Variants in GPM6B observed in about 807,000 individuals in gnomAD.
The protein encoded by GPM6B is glycoprotein M6B.
Under a neutral mutation model 27.2 loss-of-function variants are expected in GPM6B, and 4 were observed. The observed-to-expected ratio is 0.15, with a 90% CI of 0.07 to 0.34. The LOEUF is 0.34. Ranked by LOEUF, GPM6B falls within the 10% of genes least tolerant of loss-of-function variation. The probability of loss-of-function intolerance (pLI) is 1.00; values close to 1 mark genes in which losing one functional copy is unlikely to be tolerated. For missense variants in GPM6B, 183 were observed against 261.9 expected, an observed-to-expected ratio of 0.70 and a Z score of 2.08; for synonymous variants, 124 against 103.1, an observed-to-expected ratio of 1.20 and a Z score of -1.23.
Position 13,785,811 on chromosome X carries a change from G to A in GPM6B, c.182-3C>T, listed in dbSNP as rs770122335. 1 of 1,195,217 alleles carries A rather than the reference G, an allele frequency of 8.4e-7. No homozygotes were observed. Among genetic ancestry groups the A allele is most frequent in the South Asian group, 1.8e-5 (1 of 55,534 alleles). ...CTTGATGCAGCATTCAAAGCAGCCT[G>A]AACCCAAAGGAGAGAAAATATAGCC... On this transcript the variant is annotated splice_region_variant and splice_polypyrimidine_tract_variant and intron_variant, in intron 2 of 7. Coordinates refer to ENST00000316715, the MANE Select transcript of GPM6B (RefSeq NM_001001995.3).
At chrX:13,826,786 T>C (rs1291501216) in intron 1 of GPM6B, among the ~76,000 whole-genome samples, 5 of 110,189 alleles carry the variant, frequency 4.5e-5, no homozygotes. Flanking sequence ...TCTTCCTGTG[T>C]ACACAAGGCA....
upstream of GPM6B, chrX:13,938,607 C>G: frequency 2.4e-6 from 1 of 417,721 alleles, no homozygotes; most frequent in Non-Finnish European, 3.6e-6. Flanking sequence ...CTCGCGGGCA[C>G]GTGCGCTGAC....
chrX:13,786,119 G>A (rs959895407), intron 2 of GPM6B, among the ~76,000 whole-genome samples: 5 of 112,599 alleles, frequency 4.4e-5, no homozygotes, highest in African/African-American at 9.7e-5. Flanking sequence ...CTTCCTGATC[G>A]ACTGAGTGGT....
At chrX:13,867,507 G>A (rs904834898) in intron 1 of GPM6B, among the ~76,000 whole-genome samples, 8 of 112,142 alleles carry the variant, frequency 7.1e-5, no homozygotes, top group African/African-American at 1.9e-4. Flanking sequence ...GATCTCAGGG[G>A]TAATAAAGTA....
intron 1 of GPM6B, among the ~76,000 whole-genome samples, chrX:13,829,602 C>T (rs2049415425): frequency 9.0e-6 from 1 of 110,907 alleles, no homozygotes; most frequent in South Asian, 3.9e-4. Context: ...CTCCCCACTC[C>T]ACCCGGTCCC....
chrX:13,898,643 A>G (rs1393007973), intron 1 of GPM6B, among the ~76,000 whole-genome samples: 3 of 112,896 alleles, frequency 2.7e-5, no homozygotes, highest in African/African-American at 9.6e-5. Context: ...GAAAGGTGCC[A>G]ACTAGGGCTG....
At position 13,771,774 on chromosome X, in the gene GPM6B, A is replaced by G. The variant is rs2048303052; in HGVS notation, c.*1107T>C. 3 of 112,602 alleles carry G rather than the reference A, an allele frequency of 2.7e-5. No homozygotes were observed. The highest frequency in any genetic ancestry group is 3.6e-4 in the South Asian group (1 of 2,746). 9.3% of individuals were successfully genotyped at this position (112,602 alleles called of 1,213,427 possible). The stretch of plus-strand genomic sequence containing the variant: ...TTCTTTTGAAAATGGCTTAAACTCA[A>G]GCAGTTCTCTTGCTGAACATCAAAC... On this transcript the variant is annotated 3_prime_UTR_variant, in exon 8 of 8. Coordinates refer to ENST00000316715, the MANE Select transcript of GPM6B (RefSeq NM_001001995.3).
At chrX:13,869,401 G>A in intron 1 of GPM6B, among the ~76,000 whole-genome samples, 1 of 109,490 alleles carries the variant, frequency 9.1e-6, no homozygotes, top group African/African-American at 3.3e-5. Context: ...TCCAAAATTA[G>A]ATTGTGATGA....
chrX:13,791,204 G>C (rs1358032690), intron 2 of GPM6B, among the ~76,000 whole-genome samples: 1 of 109,908 alleles, frequency 9.1e-6, no homozygotes, highest in Non-Finnish European at 1.9e-5. Context: ...ATCAATGCCA[G>C]GTTTTTTTTT....
intron 1 of GPM6B, among the ~76,000 whole-genome samples, chrX:13,845,018 C>T (rs1257218764): frequency 1.0e-5 from 1 of 98,627 alleles, no homozygotes; most frequent in Non-Finnish European, 2.0e-5. Context: ...GAGACGGAGT[C>T]TCGCTCTGTT....
intron 1 of GPM6B, among the ~76,000 whole-genome samples, chrX:13,902,479 T>C (rs2050290954): frequency 9.0e-6 from 1 of 110,647 alleles, no homozygotes; most frequent in Non-Finnish European, 1.9e-5. Flanking sequence ...TCAGGGAGGG[T>C]ATTACTCTAT....
chrX:13,773,959 T>TC, intron 7 of GPM6B: 2 of 678,094 alleles, frequency 2.9e-6, no homozygotes, highest in Non-Finnish European at 3.4e-6. Context: ...AATCCTTTTT[T>TC]TTTTTTTTTT....
intron 1 of GPM6B, among the ~76,000 whole-genome samples, chrX:13,810,835 C>T (rs1387194036): frequency 9.1e-6 from 1 of 109,676 alleles, no homozygotes; most frequent in Non-Finnish European, 1.9e-5. Context: ...CCTGGACTTA[C>T]ACTTCTGGAG....
chrX:13,856,487 G>A (rs372845976), intron 1 of GPM6B, among the ~76,000 whole-genome samples: 1 of 111,718 alleles, frequency 9.0e-6, no homozygotes, highest in African/African-American at 3.3e-5. Context: ...TCCCCAGGTG[G>A]TCCTATGCAC....
Position 13,790,675 on chromosome X carries a change from C to T in GPM6B, c.182-4867G>A, listed in dbSNP as rs188361753. Among the ~76,000 whole-genome samples the T allele has an allele frequency of 4.2e-4, 47 of 112,101 alleles. No homozygotes were observed. In the South Asian group the frequency reaches 4.5e-3, roughly 11 times the overall value. On this transcript the variant is annotated intron_variant, in intron 2 of 7. Transcript: ENST00000316715. ...TCACTTGTGAATCAAATGGCAAGTT[C>T]CAAGGACTACAGTTAAGAAAAACAA...
intron 1 of GPM6B, among the ~76,000 whole-genome samples, chrX:13,831,994 G>A (rs1187315403): frequency 5.4e-5 from 6 of 111,671 alleles, no homozygotes. Flanking sequence ...ATCTGATAGA[G>A]AGTTTTAAGA....
At chrX:13,922,535 A>G (rs1221306564) in intron 1 of GPM6B, among the ~76,000 whole-genome samples, 1 of 112,180 alleles carries the variant, frequency 8.9e-6, no homozygotes, top group Non-Finnish European at 1.9e-5. Context: ...GGAAAGCCCA[A>G]CGCCTTCAAG....
intron 2 of GPM6B, among the ~76,000 whole-genome samples, chrX:13,787,483 G>GA (rs2048634779): frequency 8.9e-6 from 1 of 111,818 alleles, no homozygotes; most frequent in Non-Finnish European, 1.9e-5. Flanking sequence ...TTGAACCCAG[G>GA]AGGAAGAGGT....
intron 1 of GPM6B, among the ~76,000 whole-genome samples, chrX:13,909,055 T>TCACACC: frequency 9.2e-6 from 1 of 109,028 alleles, no homozygotes. Flanking sequence ...CCCACATACC[T>TCACACC]CACACCCAGT....
Sources: gnomAD v4.1 joint callset for allele counts (sites outside exome capture counted in the v4.1 genomes callset) on GRCh38, gnomAD v4.1.1 for gene constraint, MANE v1.5 for transcripts, NCBI Gene and HGNC (gene_info 2026-07-23, HGNC 2026-07-21) for gene names.